SLC24A2: variants seen among roughly 807,000 people sequenced by gnomAD.
SLC24A2 encodes the protein sodium/potassium/calcium exchanger 2.
In SLC24A2, 36 loss-of-function variants were observed where a neutral mutation model predicts 62.0. The ratio of observed to expected loss-of-function variants is 0.58; its 90% confidence interval spans 0.44 to 0.77. The LOEUF (loss-of-function observed/expected upper bound fraction) is 0.77. SLC24A2 is among the 30% of genes least tolerant of loss of function. The pLI, the probability that SLC24A2 is intolerant of heterozygous loss-of-function variation, is 0.00. For missense variants in SLC24A2, 846 were observed against 817.9 expected (o/e 1.03, Z -0.42); for synonymous variants, 358 against 294.0 (o/e 1.22, Z -2.23).
the SLC24A2 span, among the ~76,000 whole-genome samples, chr9:19,818,325 C>A: frequency 1.3e-5 from 2 of 152,088 alleles, no homozygotes; most frequent in African/African-American, 4.8e-5. Context: ...AATCTGTAAG[C>A]TGGAAAGGAC....
At chr9:19,828,672 A>C in the SLC24A2 span, among the ~76,000 whole-genome samples, 3 of 152,264 alleles carry the variant, frequency 2.0e-5, no homozygotes, top group East Asian at 5.8e-4. Flanking sequence ...AAAACTGGAT[A>C]AAATCTGGTG....
intron 7 of SLC24A2, among the ~76,000 whole-genome samples, chr9:19,565,645 C>G (rs1835618371): frequency 6.6e-6 from 1 of 152,044 alleles, no homozygotes; most frequent in Admixed American, 6.6e-5. Flanking sequence ...AAAAAAGAGC[C>G]CAGATTGCCA....
At chr9:19,552,037 A>AG (rs1160769888) in intron 7 of SLC24A2, among the ~76,000 whole-genome samples, 13 of 152,344 alleles carry the variant, frequency 8.5e-5, no homozygotes, top group Non-Finnish European at 1.6e-4. Flanking sequence ...AATAATAATA[A>AG]GGCAGCATCA....
chr9:20,039,745 C>A, the SLC24A2 span, among the ~76,000 whole-genome samples: 1 of 151,954 alleles, frequency 6.6e-6, no homozygotes, highest in African/African-American at 2.4e-5. Context: ...GAGGTAGGAA[C>A]CAAGTCACAG....
rs1832660747 is a variant in SLC24A2 at position 19,510,097 on chromosome 9, T to A, written c.*6056A>T. On this transcript the variant is annotated 3_prime_UTR_variant, in exon 11 of 11. Transcript: ENST00000341998. ...GTAATCTAAAGTGGTGTCTCCCCAA[T>A]TTTGAGTTCTTTGTGAGTCTGAGAT... is the stretch of plus-strand genomic sequence containing the variant. The A allele has an allele frequency of 6.6e-6, 1 of 152,184 alleles. No individual in the cohort carries two copies. The highest frequency in any genetic ancestry group is 6.5e-5 in the Admixed American group (1 of 15,276). 9.4% of individuals were successfully genotyped at this position (152,184 alleles called of 1,614,324 possible).
At chr9:19,921,824 C>T in the SLC24A2 span, among the ~76,000 whole-genome samples, 2 of 152,064 alleles carry the variant, frequency 1.3e-5, no homozygotes, top group South Asian at 4.1e-4. Flanking sequence ...GCTGGCAATT[C>T]ACAATACAAA....
At chr9:20,076,861 G>GTGTA in the SLC24A2 span, among the ~76,000 whole-genome samples, 44 of 105,834 alleles carry the variant, frequency 4.2e-4, no homozygotes, top group African/African-American at 1.0e-3. Context: ...CATATCATAT[G>GTGTA]TATATATATA....
chr9:19,639,368 CTTG>C (rs1412719027), intron 2 of SLC24A2, among the ~76,000 whole-genome samples: 2 of 152,172 alleles, frequency 1.3e-5, no homozygotes, highest in African/African-American at 2.4e-5. Context: ...TTGGATTAAT[CTTG>C]TGACGCTTTG....
At chr9:20,248,943 C>G in the SLC24A2 span, among the ~76,000 whole-genome samples, 2 of 152,286 alleles carry the variant, frequency 1.3e-5, no homozygotes, top group East Asian at 1.9e-4. Flanking sequence ...CCCTTTCTCC[C>G]CCTGGAAGTT....
At chr9:20,002,575 C>T in the SLC24A2 span, among the ~76,000 whole-genome samples, 1 of 152,272 alleles carries the variant, frequency 6.6e-6, no homozygotes, top group African/African-American at 2.4e-5. Context: ...CAATGTCCCA[C>T]TGCTGGTACA....
At chr9:20,285,182 C>G in the SLC24A2 span, among the ~76,000 whole-genome samples, 5 of 152,116 alleles carry the variant, frequency 3.3e-5, no homozygotes, top group Non-Finnish European at 5.9e-5. Context: ...TCATGCTGCC[C>G]TCCAAATTCA....
At chr9:20,004,464 T>G in the SLC24A2 span, among the ~76,000 whole-genome samples, 1 of 152,222 alleles carries the variant, frequency 6.6e-6, no homozygotes, top group African/African-American at 2.4e-5. Flanking sequence ...CCTAACTATC[T>G]TATCATGAAT....
chr9:20,060,762 A>G, the SLC24A2 span, among the ~76,000 whole-genome samples: 4 of 152,206 alleles, frequency 2.6e-5, no homozygotes, highest in African/African-American at 4.8e-5. Flanking sequence ...AAGTAAAACT[A>G]TATTTGCAGG....
chr9:19,578,457 G>A (rs1419812041), intron 5 of SLC24A2, among the ~76,000 whole-genome samples: 3 of 150,516 alleles, frequency 2.0e-5, no homozygotes, highest in African/African-American at 7.3e-5. Context: ...GAACATTCAA[G>A]GTATAAAAAA....
At chr9:20,266,366 A>G in the SLC24A2 span, among the ~76,000 whole-genome samples, 1 of 152,180 alleles carries the variant, frequency 6.6e-6, no homozygotes, top group Non-Finnish European at 1.5e-5. Context: ...GTGAAAATAG[A>G]AAAGAACCTA....
intron 7 of SLC24A2, among the ~76,000 whole-genome samples, chr9:19,555,330 G>GA (rs1362604077): frequency 6.6e-6 from 1 of 152,132 alleles, no homozygotes; most frequent in Non-Finnish European, 1.5e-5. Context: ...CTGAGAAACT[G>GA]AAAAATCTTA....
chr9:19,908,799 T>C, the SLC24A2 span, among the ~76,000 whole-genome samples: 1 of 152,252 alleles, frequency 6.6e-6, no homozygotes, highest in East Asian at 1.9e-4. Context: ...CTCATACCAG[T>C]TAGAATGGGG....
At chr9:19,820,813 A>G in the SLC24A2 span, among the ~76,000 whole-genome samples, 1 of 151,984 alleles carries the variant, frequency 6.6e-6, no homozygotes, top group East Asian at 1.9e-4. Context: ...ATGCTGGACT[A>G]GATTACCTTT....
At chr9:19,918,736 T>C in the SLC24A2 span, among the ~76,000 whole-genome samples, 73 of 152,260 alleles carry the variant, frequency 4.8e-4, 1 homozygote, top group Non-Finnish European at 8.7e-4. Flanking sequence ...CCCACCCACA[T>C]GTGGTCCAAG....
Sources: gnomAD v4.1 joint callset for allele counts (sites outside exome capture counted in the v4.1 genomes callset) on GRCh38, gnomAD v4.1.1 for gene constraint, MANE v1.5 for transcripts, NCBI Gene and HGNC (gene_info 2026-07-23, HGNC 2026-07-21) for gene names.